AHR: variants seen among roughly 807,000 people sequenced by gnomAD.
The protein encoded by AHR is AH-receptor.
AHR carries 40 observed loss-of-function variants against 86.8 expected under a neutral mutation model. The observed-to-expected ratio is 0.46, with a 90% confidence interval of 0.36 to 0.60. AHR has a LOEUF of 0.60. Among genes scored for constraint, AHR ranks in the 20% least tolerant of loss-of-function variants. The pLI, the probability that AHR is intolerant of heterozygous loss-of-function variation, is 0.00. For synonymous variants in AHR, 398 were observed against 354.9 expected (o/e 1.12, Z -1.37); for missense variants, 1,001 against 1,011.6 (o/e 0.99, Z 0.14).
chr7:17,299,077 G>A lies in AHR; in HGVS notation c.-188G>A, dbSNP rs1383666962. 3.4e-6 allele frequency: 2 copies of A among 582,162 alleles called. No individual in the cohort carries two copies. 36.1% of individuals were successfully genotyped at this position (582,162 alleles called of 1,614,324 possible). ...CAGCTCACCTGTACTGGCGCGGGCTGCGGAAGCCTGCGTGAGCCGAGGCGT... is the reference window on the plus strand; with the variant it reads ...CAGCTCACCTGTACTGGCGCGGGCTACGGAAGCCTGCGTGAGCCGAGGCGT... On this transcript the variant is annotated 5_prime_UTR_variant, in exon 1 of 11. Transcript: ENST00000242057.
Position 17,339,954 on chromosome 7 carries a change from A to T in AHR, c.2129A>T (p.Gln710Leu). The T allele has an allele frequency of 6.2e-7, 1 of 1,614,222 alleles. No individual in the cohort carries two copies. Among genetic ancestry groups the T allele is most frequent in the East Asian group, 2.2e-5 (1 of 44,890 alleles). ...FISCNQPVLP[Q>L]HSKCTELDYP... ...TCCTGTAATCAGCCTGTATTACCAC[A>T]ACATTCCAAATGTACAGAGCTGGAC... Residue 710 changes from glutamine (Q) to leucine (L), a missense_variant, in exon 10 of 11, where the codon CAA becomes CTA. By Grantham distance (113) the Gln-to-Leu change is moderately radical. Around this residue, in one of 2 missense-constraint regions of AHR, gnomAD observed 607 missense variants for 543.1 expected, o/e 1.12. Transcript: ENST00000242057.
intron 3 of AHR, among the ~76,000 whole-genome samples, chr7:17,322,828 G>T (rs563406095): frequency 1.3e-5 from 2 of 151,980 alleles, no homozygotes; most frequent in Admixed American, 1.3e-4. Context: ...CCACATATGC[G>T]ACAGTGGTCC....
At chr7:17,322,108 T>A (rs892465337) in intron 2 of AHR, among the ~76,000 whole-genome samples, 78 of 151,978 alleles carry the variant, frequency 5.1e-4, no homozygotes, top group African/African-American at 1.8e-3. Context: ...TGGATTCATT[T>A]TTATAGGTTA....
chr7:17,306,652 G>T (rs940125195), intron 1 of AHR, among the ~76,000 whole-genome samples: 6 of 151,822 alleles, frequency 4.0e-5, no homozygotes, highest in African/African-American at 1.5e-4. Flanking sequence ...TTCCTTTTCT[G>T]GTACAGCTCT....
intron 1 of AHR, among the ~76,000 whole-genome samples, chr7:17,302,404 A>G (rs573446990): frequency 2.6e-5 from 4 of 152,168 alleles, no homozygotes; most frequent in Admixed American, 2.0e-4. Flanking sequence ...TGAATTTCAT[A>G]TATGTAATAC....
intron 10 of AHR, among the ~76,000 whole-genome samples, chr7:17,342,204 A>G (rs1355502113): frequency 6.6e-6 from 1 of 152,076 alleles, no homozygotes; most frequent in Non-Finnish European, 1.5e-5. Context: ...AAGGCTCTGT[A>G]ATCTATAAAA....
At chr7:17,313,274 AACATGCTAAC>A (rs1195722563) in intron 2 of AHR, among the ~76,000 whole-genome samples, 1 of 152,168 alleles carries the variant, frequency 6.6e-6, no homozygotes, top group Non-Finnish European at 1.5e-5. Context: ...AGAGATTTGA[AACATGCTAAC>A]AATGATTAGG....
chr7:17,314,200 T>C (rs931287262), intron 2 of AHR, among the ~76,000 whole-genome samples: 4 of 152,262 alleles, frequency 2.6e-5, no homozygotes, highest in South Asian at 4.1e-4. Context: ...GATTTCAAAG[T>C]CTTGCATTTG....
In AHR at chr7:17,343,987, A is replaced by G. The variant is rs1005408769; in HGVS notation, c.*923A>G. ...TGTTTTCAGAAGAAATAAATATACC[A>G]CTCTTTACCTTTATTGATATCTCCA... On this transcript the variant is annotated 3_prime_UTR_variant, in exon 11 of 11. Coordinates refer to ENST00000242057, the MANE Select transcript of AHR (RefSeq NM_001621.5). 6.6e-6 allele frequency: 1 copy of G among 152,458 alleles called. No individual in the cohort carries two copies. Among genetic ancestry groups the G allele is most frequent in the African/African-American group, 2.4e-5 (1 of 41,380 alleles). The allele number at this position is 152,458 out of a possible 1,614,324, so 9.4% of individuals were successfully genotyped here.
intron 5 of AHR, among the ~76,000 whole-genome samples, 179 bp from the exon 6 acceptor site, chr7:17,330,577 T>C (rs900386096): frequency 1.3e-5 from 2 of 149,838 alleles, no homozygotes; most frequent in East Asian, 3.8e-4. Flanking sequence ...GCAAGTTCTA[T>C]CTGATAAAAG....
intron 1 of AHR, among the ~76,000 whole-genome samples, chr7:17,300,200 T>A (rs1781940767): frequency 6.6e-6 from 1 of 152,206 alleles, no homozygotes; most frequent in African/African-American, 2.4e-5. Flanking sequence ...GATGGCCAAT[T>A]TTTTGTGTGT....
At chr7:17,321,551 C>A (rs1481609406) in intron 2 of AHR, among the ~76,000 whole-genome samples, 1 of 150,922 alleles carries the variant, frequency 6.6e-6, no homozygotes, top group Non-Finnish European at 1.5e-5. Context: ...TTCTATTCAG[C>A]TGCGCTTCCT....
chr7:17,323,987 C>T (rs973498554), intron 3 of AHR, among the ~76,000 whole-genome samples: 2 of 152,150 alleles, frequency 1.3e-5, no homozygotes, highest in Admixed American at 6.5e-5. Flanking sequence ...ATTGACGTAA[C>T]ACTTGGCAAG....
intron 2 of AHR, among the ~76,000 whole-genome samples, chr7:17,319,858 T>G (rs1182425688): frequency 6.6e-6 from 1 of 152,120 alleles, no homozygotes; most frequent in African/African-American, 2.4e-5. Context: ...AAATGTTTCC[T>G]GAAAAAGCAC....
chr7:17,313,819 A>T (rs1782090323), intron 2 of AHR, among the ~76,000 whole-genome samples: 1 of 152,144 alleles, frequency 6.6e-6, no homozygotes, highest in African/African-American at 2.4e-5. Flanking sequence ...ATAATAGTTT[A>T]TTAATAGAGA....
chr7:17,340,337 C>T, intron 10 of AHR, 109 bp downstream of exon 10: 1 of 1,366,772 alleles, frequency 7.3e-7, no homozygotes, highest in Non-Finnish European at 9.6e-7. Flanking sequence ...CTACAGCATT[C>T]ATGGAGACAG....
intron 9 of AHR, among the ~76,000 whole-genome samples, chr7:17,338,375 A>C (rs1444451399): frequency 6.6e-6 from 1 of 151,874 alleles, no homozygotes; most frequent in Non-Finnish European, 1.5e-5. Context: ...ATTATTTTTG[A>C]GACAGGATCT....
chr7:17,302,504 G>A (rs916512149), intron 1 of AHR, among the ~76,000 whole-genome samples: 1 of 151,778 alleles, frequency 6.6e-6, no homozygotes, highest in African/African-American at 2.4e-5. Flanking sequence ...AAAAGAATGG[G>A]TCTTTTCATT....
At chr7:17,321,098 T>C (rs1782167880) in intron 2 of AHR, among the ~76,000 whole-genome samples, 1 of 152,102 alleles carries the variant, frequency 6.6e-6, no homozygotes, top group Non-Finnish European at 1.5e-5. Context: ...CATAAAAATA[T>C]AGTGAGATAA....
Sources: gnomAD v4.1 joint callset for allele counts (sites outside exome capture counted in the v4.1 genomes callset) on GRCh38, gnomAD v4.1.1 for gene constraint, gnomAD v4.1.1 regional missense constraint, MANE v1.5 for transcripts, NCBI Gene and HGNC (gene_info 2026-07-23, HGNC 2026-07-21) for gene names.